Variants in GRIN2A observed in about 807,000 individuals in gnomAD.
GRIN2A encodes glutamate ionotropic receptor NMDA type subunit 2A.
In GRIN2A, 22 loss-of-function variants were observed where a neutral mutation model predicts 113.4. That is an observed-to-expected ratio of 0.19 (90% CI 0.14 to 0.28). The LOEUF (loss-of-function observed/expected upper bound fraction) is 0.28, where lower values mean the gene tolerates loss of function less well. Among genes scored for constraint, GRIN2A ranks in the 10% least tolerant of loss-of-function variants. The probability of loss-of-function intolerance (pLI) is 1.00; values close to 1 mark genes in which losing one functional copy is unlikely to be tolerated. For synonymous variants in GRIN2A, 827 were observed against 738.4 expected, an observed-to-expected ratio of 1.12 and a Z score of -1.94; for missense variants, 1,502 against 1,887.0, an observed-to-expected ratio of 0.80 and a Z score of 3.78.
chr16:9,865,744 G>A (rs72781993), intron 4 of GRIN2A, among the ~76,000 whole-genome samples: 1 of 152,080 alleles, frequency 6.6e-6, no homozygotes, highest in Non-Finnish European at 1.5e-5. Flanking sequence ...ACACAGCAGT[G>A]AATAGACCCT....
intron 2 of GRIN2A, among the ~76,000 whole-genome samples, chr16:10,174,842 A>T (rs1245386130): frequency 1.4e-5 from 2 of 146,000 alleles, no homozygotes; most frequent in Non-Finnish European, 3.0e-5. Context: ...GAGAACTGGA[A>T]AAAAAAAAAA....
chr16:9,783,621 A>T (rs1373132134), intron 11 of GRIN2A, among the ~76,000 whole-genome samples: 1 of 152,180 alleles, frequency 6.6e-6, no homozygotes, highest in African/African-American at 2.4e-5. Context: ...TAGTTTTCAC[A>T]ATCACCAAGG....
At chr16:10,114,655 G>A (rs1183805907) in intron 2 of GRIN2A, among the ~76,000 whole-genome samples, 1 of 152,136 alleles carries the variant, frequency 6.6e-6, no homozygotes, top group East Asian at 1.9e-4. Flanking sequence ...TCTTCAAAAG[G>A]TTATGAACCC....
chr16:9,889,638 A>G (rs2043653244), intron 4 of GRIN2A, among the ~76,000 whole-genome samples: 1 of 151,976 alleles, frequency 6.6e-6, no homozygotes, highest in African/African-American at 2.4e-5. Context: ...TATTCCTCAA[A>G]TTTTGATATT....
chr16:10,131,711 G>A (rs911448781), intron 2 of GRIN2A, among the ~76,000 whole-genome samples: 3 of 152,260 alleles, frequency 2.0e-5, no homozygotes, highest in Middle Eastern at 3.4e-3. Context: ...TAAGAGGTGG[G>A]GAAGAACATT....
chr16:10,115,259 C>T (rs1596522211), intron 2 of GRIN2A, among the ~76,000 whole-genome samples: 1 of 151,676 alleles, frequency 6.6e-6, no homozygotes, highest in African/African-American at 2.4e-5. Flanking sequence ...TTTGTAATTT[C>T]CTTATGGTTT....
At chr16:10,101,513 G>C (rs754222261) in intron 2 of GRIN2A, among the ~76,000 whole-genome samples, 1 of 152,230 alleles carries the variant, frequency 6.6e-6, no homozygotes, top group Non-Finnish European at 1.5e-5. Context: ...AGCAACAGCA[G>C]ATGTTGGGGC....
intron 2 of GRIN2A, among the ~76,000 whole-genome samples, chr16:9,999,415 A>T (rs1212526627): frequency 6.6e-6 from 1 of 152,260 alleles, no homozygotes; most frequent in African/African-American, 2.4e-5. Flanking sequence ...TGCAGCCATA[A>T]AAAAGGATGA....
At chr16:9,973,629 C>G (rs2045716892) in intron 2 of GRIN2A, among the ~76,000 whole-genome samples, 1 of 152,018 alleles carries the variant, frequency 6.6e-6, no homozygotes, top group Non-Finnish European at 1.5e-5. Flanking sequence ...ACATCACAGT[C>G]AAACTGATGA....
intron 3 of GRIN2A, among the ~76,000 whole-genome samples, chr16:9,901,920 A>G (rs1431509038): frequency 6.6e-6 from 1 of 152,336 alleles, no homozygotes; most frequent in African/African-American, 2.4e-5. Flanking sequence ...TCACTTAAGG[A>G]TAAGGGACTA....
At chr16:10,148,995 C>G (rs561499598) in intron 2 of GRIN2A, among the ~76,000 whole-genome samples, 26 of 152,290 alleles carry the variant, frequency 1.7e-4, no homozygotes, top group Non-Finnish European at 3.2e-4. Flanking sequence ...ATGTTCTCAC[C>G]CATCTGTGGG....
intron 2 of GRIN2A, among the ~76,000 whole-genome samples, chr16:10,023,021 G>T (rs1342878145): frequency 6.6e-6 from 1 of 152,136 alleles, no homozygotes; most frequent in Non-Finnish European, 1.5e-5. Context: ...TACTAATCAG[G>T]GGGATATAGC....
Position 9,840,803 on chromosome 16 carries a change from G to T in GRIN2A, c.1498-3C>A. Reference sequence around the variant, plus strand: ...ATGACTGCCCGTTGATAGACCACCTGGATGCAAGGCAAAAAAAAAAAAAAA... The same window carrying T: ...ATGACTGCCCGTTGATAGACCACCTTGATGCAAGGCAAAAAAAAAAAAAAA... On this transcript the variant is annotated splice_region_variant and splice_polypyrimidine_tract_variant and intron_variant, in intron 6 of 12. Transcript: ENST00000330684. 6.4e-7 allele frequency: 1 copy of T among 1,551,024 alleles called. No homozygotes were observed. The highest frequency in any genetic ancestry group is 8.8e-7 in the Non-Finnish European group (1 of 1,137,866).
chr16:10,047,037 A>G (rs1324539981), intron 2 of GRIN2A, among the ~76,000 whole-genome samples: 1 of 152,088 alleles, frequency 6.6e-6, no homozygotes, highest in African/African-American at 2.4e-5. Flanking sequence ...TGCCAGTAGT[A>G]CTCACCTTCA....
intron 4 of GRIN2A, among the ~76,000 whole-genome samples, chr16:9,860,048 TG>T (rs2043038688): frequency 6.6e-6 from 1 of 151,618 alleles, no homozygotes; most frequent in Admixed American, 6.6e-5. Flanking sequence ...TTAATAGCAA[TG>T]AAGTGAATGA....
intron 11 of GRIN2A, among the ~76,000 whole-genome samples, chr16:9,787,674 G>T (rs534198529): frequency 7.2e-5 from 11 of 152,282 alleles, no homozygotes; most frequent in African/African-American, 2.2e-4. Context: ...AGATGATTTT[G>T]TGACATGTAG....
chr16:9,823,242 GA>G (rs2042322287), intron 9 of GRIN2A, among the ~76,000 whole-genome samples: 1 of 152,164 alleles, frequency 6.6e-6, no homozygotes, highest in Non-Finnish European at 1.5e-5. Context: ...CTGAGTTCCA[GA>G]AATACAGCTA....
intron 2 of GRIN2A, among the ~76,000 whole-genome samples, chr16:10,039,721 C>A (rs1413796220): frequency 1.3e-5 from 2 of 148,148 alleles, no homozygotes; most frequent in African/African-American, 2.5e-5. Context: ...GGGCAGAAGC[C>A]CCCTCCCTCC....
chr16:9,794,517 C>T (rs965002260), intron 11 of GRIN2A: 1 of 152,180 alleles, frequency 6.6e-6, no homozygotes, highest in Admixed American at 6.5e-5. Context: ...TGTATTTACT[C>T]CTAGAGAGAC....
Sources: gnomAD v4.1 joint callset for allele counts (sites outside exome capture counted in the v4.1 genomes callset) on GRCh38, gnomAD v4.1.1 for gene constraint, MANE v1.5 for transcripts, NCBI Gene and HGNC (gene_info 2026-07-23, HGNC 2026-07-21) for gene names.